IMMP2L: variants seen among roughly 807,000 people sequenced by gnomAD.
IMMP2L encodes the protein inner mitochondrial membrane peptidase subunit 2.
IMMP2L carries 18 observed loss-of-function variants against 19.3 expected under a neutral mutation model. That is an observed-to-expected ratio of 0.93 (90% CI 0.64 to 1.38). IMMP2L has a LOEUF of 1.38. Among genes scored for constraint, IMMP2L ranks in the 40% most tolerant of loss-of-function variants. The pLI, the probability that IMMP2L is intolerant of heterozygous loss-of-function variation, is 0.00. For missense variants in IMMP2L, 233 were observed against 218.2 expected, an observed-to-expected ratio of 1.07 and a Z score of -0.43; for synonymous variants, 76 against 73.0, an observed-to-expected ratio of 1.04 and a Z score of -0.21.
chr7:111,435,823 G>A (rs1837105965), intron 3 of IMMP2L, among the ~76,000 whole-genome samples: 1 of 151,780 alleles, frequency 6.6e-6, no homozygotes, highest in South Asian at 2.1e-4. Context: ...ATCCACCCCG[G>A]GCAACAGTTC....
At chr7:111,204,402 A>G (rs545618427) in intron 3 of IMMP2L, among the ~76,000 whole-genome samples, 1 of 152,286 alleles carries the variant, frequency 6.6e-6, no homozygotes, top group South Asian at 2.1e-4. Flanking sequence ...TCTGCAAGAC[A>G]ACATATATGA....
chr7:111,250,287 C>T (rs1435490223), intron 3 of IMMP2L, among the ~76,000 whole-genome samples: 2 of 152,138 alleles, frequency 1.3e-5, no homozygotes, highest in Non-Finnish European at 1.5e-5. Flanking sequence ...ATTCCATGCT[C>T]ATGGATAGGA....
At chr7:111,290,827 AACACACACACACAC>A (rs541375499) in intron 3 of IMMP2L, among the ~76,000 whole-genome samples, 2 of 135,012 alleles carry the variant, frequency 1.5e-5, no homozygotes, top group East Asian at 2.2e-4. Context: ...TATATATACA[AACACACACACACAC>A]ACACACACAC....
intron 3 of IMMP2L, among the ~76,000 whole-genome samples, chr7:110,972,327 T>C (rs561020397): frequency 3.3e-5 from 5 of 152,274 alleles, no homozygotes; most frequent in Admixed American, 3.3e-4. Flanking sequence ...TTTAATTTTC[T>C]GCTATTTATA....
chr7:110,857,714 G>C (rs547847680), intron 5 of IMMP2L, among the ~76,000 whole-genome samples: 11 of 152,032 alleles, frequency 7.2e-5, no homozygotes, highest in Non-Finnish European at 1.3e-4. Context: ...GGCACTTGAG[G>C]CTCCTCTATA....
At chr7:111,481,950 A>T (rs371179798) in intron 3 of IMMP2L, among the ~76,000 whole-genome samples, 1 of 152,202 alleles carries the variant, frequency 6.6e-6, no homozygotes, top group African/African-American at 2.4e-5. Flanking sequence ...CCAGCCACTC[A>T]GGAGGCTGAG....
At chr7:110,960,510 G>C (rs185056837) in intron 4 of IMMP2L, among the ~76,000 whole-genome samples, 11 of 151,996 alleles carry the variant, frequency 7.2e-5, no homozygotes, top group Non-Finnish European at 1.3e-4. Flanking sequence ...TTCAAGGTTT[G>C]CTGACATTCT....
chr7:110,801,322 T>G (rs1801225769), intron 5 of IMMP2L, among the ~76,000 whole-genome samples: 2 of 152,078 alleles, frequency 1.3e-5, no homozygotes, highest in Admixed American at 1.3e-4. Flanking sequence ...TCCCATATAC[T>G]GCTTGTCTAA....
At chr7:111,234,739 T>A (rs1814091673) in intron 3 of IMMP2L, among the ~76,000 whole-genome samples, 1 of 152,104 alleles carries the variant, frequency 6.6e-6, no homozygotes, top group South Asian at 2.1e-4. Context: ...ACTGTTGTTT[T>A]AGTGGTTGGT....
At chr7:110,860,849 T>C (rs1807320675) in intron 5 of IMMP2L, among the ~76,000 whole-genome samples, 1 of 152,132 alleles carries the variant, frequency 6.6e-6, no homozygotes, top group South Asian at 2.1e-4. Context: ...AATTTCCTTC[T>C]TTTAAAAATA....
At chr7:110,692,283 G>A (rs1169500808) in intron 5 of IMMP2L, among the ~76,000 whole-genome samples, 4 of 152,196 alleles carry the variant, frequency 2.6e-5, no homozygotes, top group Non-Finnish European at 5.9e-5. Context: ...ATAAGTGAGA[G>A]CTAAGCTATG....
intron 3 of IMMP2L, among the ~76,000 whole-genome samples, chr7:111,003,995 T>C (rs1246059145): frequency 6.6e-6 from 1 of 152,178 alleles, no homozygotes; most frequent in Non-Finnish European, 1.5e-5. Flanking sequence ...AAGAAAGCAA[T>C]GAATCATTGC....
rs532046976 is a variant in IMMP2L, at chr7:110,793,918, A to G, written c.408+92675T>C. On this transcript the variant is annotated intron_variant, in intron 5 of 5. Coordinates refer to ENST00000405709, the MANE Select transcript of IMMP2L (RefSeq NM_032549.4). ...AAATAAGCACATGAAAAGGTGTCCA[A>G]CATGATATGTCATCAGGGAATTGGA... Among the ~76,000 whole-genome samples the G allele has an allele frequency of 1.2e-4, 18 of 152,274 alleles. 1 individual carries two copies. The South Asian group carries it at 3.5e-3, about 30-fold the overall frequency.
intron 3 of IMMP2L, among the ~76,000 whole-genome samples, chr7:111,115,706 G>A (rs1011721579): frequency 2.6e-5 from 4 of 151,008 alleles, no homozygotes; most frequent in Admixed American, 6.6e-5. Context: ...ACACTCTGTC[G>A]CTCAGGCTAG....
intron 3 of IMMP2L, among the ~76,000 whole-genome samples, chr7:111,368,805 C>T (rs1300681193): frequency 6.6e-6 from 1 of 151,846 alleles, no homozygotes; most frequent in African/African-American, 2.4e-5. Context: ...TTATTCTTTT[C>T]CAATGGTTTA....
At chr7:111,028,524 T>C (rs1724626673) in intron 3 of IMMP2L, among the ~76,000 whole-genome samples, 1 of 152,174 alleles carries the variant, frequency 6.6e-6, no homozygotes, top group Admixed American at 6.6e-5. Context: ...GAAATGTTTA[T>C]GCAAAGAAAA....
chr7:110,665,406 CATG>C (rs1194533718), intron 5 of IMMP2L, among the ~76,000 whole-genome samples: 2 of 152,166 alleles, frequency 1.3e-5, no homozygotes, highest in African/African-American at 2.4e-5. Context: ...CATATATGAA[CATG>C]ATACCATTAT....
chr7:111,345,380 G>C (rs950618605), intron 3 of IMMP2L, among the ~76,000 whole-genome samples: 3 of 152,070 alleles, frequency 2.0e-5, no homozygotes, highest in African/African-American at 7.2e-5. Context: ...GCAGCTGTTT[G>C]CAATAAGCCC....
intron 5 of IMMP2L, among the ~76,000 whole-genome samples, chr7:110,723,740 A>ATTAGAAT (rs1795719211): frequency 6.6e-6 from 1 of 152,152 alleles, no homozygotes; most frequent in South Asian, 2.1e-4. Flanking sequence ...AGCCAAATGA[A>ATTAGAAT]TTAGAAAACA....
Sources: gnomAD v4.1 joint callset for allele counts (sites outside exome capture counted in the v4.1 genomes callset) on GRCh38, gnomAD v4.1.1 for gene constraint, MANE v1.5 for transcripts, NCBI Gene and HGNC (gene_info 2026-07-23, HGNC 2026-07-21) for gene names.